LRFN2: variants seen among roughly 807,000 people sequenced by gnomAD.
LRFN2 encodes leucine rich repeat and fibronectin type III domain containing 2, also known as leucine-rich repeat and fibronectin type-III domain-containing protein 2.
A neutral mutation model predicts 37.3 loss-of-function variants in LRFN2; 18 were observed. The ratio of observed to expected loss-of-function variants is 0.48; its 90% CI spans 0.33 to 0.72. LRFN2 has a LOEUF of 0.72. LRFN2 is among the 30% of genes least tolerant of loss of function. The probability of loss-of-function intolerance (pLI) is 0.02; values close to 1 mark genes in which losing one functional copy is unlikely to be tolerated. For synonymous variants in LRFN2, 556 were observed against 466.6 expected, an observed-to-expected ratio of 1.19 and a Z score of -2.47; for missense variants, 1,006 against 1,060.7, an observed-to-expected ratio of 0.95 and a Z score of 0.72.
At chr6:40,568,691 CCTTCCTTCCTT>C (rs1561910971) in intron 1 of LRFN2, among the ~76,000 whole-genome samples, 1 of 122,950 alleles carries the variant, frequency 8.1e-6, no homozygotes, top group African/African-American at 2.9e-5. Flanking sequence ...CCATTTCCTT[CCTTCCTTCCTT>C]CCTTCCTTCC....
intron 1 of LRFN2, among the ~76,000 whole-genome samples, chr6:40,498,679 C>A (rs1765296054): frequency 2.0e-5 from 3 of 152,218 alleles, no homozygotes; most frequent in Admixed American, 6.5e-5. Flanking sequence ...CATGGACAGG[C>A]AGCTGTACAC....
intron 1 of LRFN2, chr6:40,523,766 C>A (rs1766159823): frequency 6.6e-6 from 1 of 152,168 alleles, no homozygotes; most frequent in African/African-American, 2.4e-5. Context: ...AGTCCCGTGG[C>A]CATGCCAAAC....
chr6:40,457,783 C>T (rs980517269), intron 1 of LRFN2, among the ~76,000 whole-genome samples: 1 of 152,176 alleles, frequency 6.6e-6, no homozygotes, highest in East Asian at 1.9e-4. Context: ...CAGCTCTCCT[C>T]CCCTTCTAGA....
At chr6:40,538,523 T>C (rs1766493970) in intron 1 of LRFN2, among the ~76,000 whole-genome samples, 1 of 152,278 alleles carries the variant, frequency 6.6e-6, no homozygotes, top group Non-Finnish European at 1.5e-5. Flanking sequence ...CCTCTTTCTC[T>C]TTGTTCTGCA....
At chr6:40,490,729 T>G (rs931919148) in intron 1 of LRFN2, among the ~76,000 whole-genome samples, 2 of 152,190 alleles carry the variant, frequency 1.3e-5, no homozygotes, top group African/African-American at 4.8e-5. Flanking sequence ...GACTGGAACA[T>G]CAGAGAAGCC....
intron 2 of LRFN2, among the ~76,000 whole-genome samples, chr6:40,395,578 T>A (rs1399701942): frequency 6.6e-6 from 1 of 152,122 alleles, no homozygotes; most frequent in East Asian, 1.9e-4. Context: ...GGGCTAATGA[T>A]GTAAGTTGAG....
At chr6:40,540,053 G>A (rs773362481) in intron 1 of LRFN2, among the ~76,000 whole-genome samples, 6 of 152,080 alleles carry the variant, frequency 3.9e-5, no homozygotes, top group South Asian at 4.2e-4. Context: ...CAGCCCTGGC[G>A]CCGCACAGGC....
chr6:40,399,835 A>C (rs1762702065), intron 2 of LRFN2, among the ~76,000 whole-genome samples: 1 of 151,862 alleles, frequency 6.6e-6, no homozygotes, highest in African/African-American at 2.4e-5. Context: ...AAAACATTCT[A>C]TTTATTAACT....
chr6:40,512,064 G>A (rs571941496), intron 1 of LRFN2, among the ~76,000 whole-genome samples: 29 of 152,306 alleles, frequency 1.9e-4, no homozygotes, highest in African/African-American at 6.7e-4. Context: ...ACTTTTGGAC[G>A]CTTAAAATCC....
At chr6:40,512,843 A>T (rs780045532) in intron 1 of LRFN2, among the ~76,000 whole-genome samples, 1 of 152,216 alleles carries the variant, frequency 6.6e-6, no homozygotes, top group Non-Finnish European at 1.5e-5. Flanking sequence ...ACTCCAGCTA[A>T]TATCCCCAGT....
chr6:40,539,063 C>T (rs535303419), intron 1 of LRFN2, among the ~76,000 whole-genome samples: 41 of 152,198 alleles, frequency 2.7e-4, no homozygotes, highest in African/African-American at 8.9e-4. Context: ...ACAGCCCATT[C>T]CTCACTCCAT....
At chr6:40,441,389 A>T (rs1458457178) in intron 1 of LRFN2, among the ~76,000 whole-genome samples, 2 of 152,028 alleles carry the variant, frequency 1.3e-5, no homozygotes, top group African/African-American at 2.4e-5. Context: ...AGGGCGTGTG[A>T]GTGAGGGGGC....
chr6:40,430,988 A>G (rs1452265926), intron 2 of LRFN2, among the ~76,000 whole-genome samples: 3 of 152,168 alleles, frequency 2.0e-5, no homozygotes, highest in African/African-American at 7.2e-5. Flanking sequence ...AACTTAGGGA[A>G]GGTAAGAAAC....
chr6:40,469,345 G>C (rs1764544328), intron 1 of LRFN2, among the ~76,000 whole-genome samples: 1 of 152,068 alleles, frequency 6.6e-6, no homozygotes, highest in Non-Finnish European at 1.5e-5. Context: ...AAGCCATCCA[G>C]CCATCCGGTT....
In LRFN2 at chr6:40,581,390, T is replaced by C. The variant is rs542707659; in HGVS notation, c.-19+5551A>G. On this transcript the variant is annotated intron_variant, in intron 1 of 2. Transcript: ENST00000338305. The stretch of plus-strand genomic sequence containing the variant: ...AGGAAGACAGAGGGGACGGCCAAAG[T>C]CACACAGCAAGTTACGGGCAGAGCT... Among the ~76,000 whole-genome samples the C allele has an allele frequency of 3.3e-5, 5 of 152,178 alleles. No individual in the cohort carries two copies. In the East Asian group the frequency reaches 9.7e-4, roughly 30 times the overall value.
At chr6:40,468,862 G>A (rs17626225) in intron 1 of LRFN2, among the ~76,000 whole-genome samples, 4,321 of 152,108 alleles carry the variant, frequency 0.028, 109 homozygotes, top group East Asian at 0.097. Context: ...GTATCCTCCC[G>A]GTCAATTTTG....
At chr6:40,496,451 C>T (rs1458236077) in intron 1 of LRFN2, among the ~76,000 whole-genome samples, 1 of 151,650 alleles carries the variant, frequency 6.6e-6, no homozygotes, top group Non-Finnish European at 1.5e-5. Context: ...CGGTCTCTGC[C>T]TATTCATTTT....
At chr6:40,544,926 G>A (rs749253795) in intron 1 of LRFN2, among the ~76,000 whole-genome samples, 2 of 152,176 alleles carry the variant, frequency 1.3e-5, no homozygotes, top group South Asian at 2.1e-4. Context: ...TTAGGATAAT[G>A]GCAACTGAAC....
rs989043450 is a variant in LRFN2 at position 40,504,363 on chromosome 6, G to A, written c.-18-71232C>T. 2.6e-5 allele frequency among the ~76,000 whole-genome samples: 4 copies of A among 152,158 alleles called. No homozygotes were observed. The South Asian group carries it at 6.2e-4, about 24-fold the overall frequency. ...CTGTAAATTGGAATAATCACAGGAC[G>A]ATCTTAAACATGAAAGGCTTAGCAC... On this transcript the variant is annotated intron_variant, in intron 1 of 2. Coordinates refer to ENST00000338305, the MANE Select transcript of LRFN2 (RefSeq NM_020737.3).
Sources: allele counts gnomAD v4.1 joint callset (sites outside exome capture counted in the v4.1 genomes callset), GRCh38; gene constraint gnomAD v4.1.1; transcripts MANE v1.5; gene names NCBI Gene and HGNC (gene_info 2026-07-23, HGNC 2026-07-21).